ULK4: variants seen among roughly 807,000 people sequenced by gnomAD.
ULK4 encodes the protein inactive serine/threonine-protein kinase ULK4.
ULK4 carries 133 observed loss-of-function variants against 160.6 expected under a neutral mutation model. That is an observed-to-expected ratio of 0.83 (90% CI 0.72 to 0.96). ULK4 has a LOEUF of 0.96. ULK4 is among the 40% of genes least tolerant of loss of function. The probability of loss-of-function intolerance (pLI) is 0.00; values close to 1 mark genes in which losing one functional copy is unlikely to be tolerated. For synonymous variants in ULK4, 534 were observed against 539.8 expected (o/e 0.99, Z 0.15); for missense variants, 1,580 against 1,499.5 (o/e 1.05, Z -0.89).
At chr3:41,755,742 C>A (rs2038776944) in intron 21 of ULK4, among the ~76,000 whole-genome samples, 1 of 152,170 alleles carries the variant, frequency 6.6e-6, no homozygotes, top group Non-Finnish European at 1.5e-5. Flanking sequence ...TAACTGACTG[C>A]AATTCAAGAT....
intron 34 of ULK4, among the ~76,000 whole-genome samples, chr3:41,433,976 C>A (rs1817925): frequency 0.53 from 81,163 of 151,830 alleles, 22,151 homozygotes; most frequent in East Asian, 0.69. Flanking sequence ...CCCGCCTTGG[C>A]CTCCCAAAGT....
intron 2 of ULK4, among the ~76,000 whole-genome samples, chr3:41,952,088 A>G (rs1382511680): frequency 2.0e-5 from 3 of 152,236 alleles, no homozygotes; most frequent in Admixed American, 6.5e-5. Context: ...GTAAAAATAC[A>G]TAACTATCAG....
At chr3:41,822,690 A>G (rs983274052) in intron 18 of ULK4, among the ~76,000 whole-genome samples, 4 of 146,324 alleles carry the variant, frequency 2.7e-5, no homozygotes, top group African/African-American at 1.0e-4. Context: ...AAGTGCTGGG[A>G]TTACAAGCAT....
chr3:41,491,153 T>C (rs1206424548), intron 32 of ULK4, among the ~76,000 whole-genome samples: 2 of 152,170 alleles, frequency 1.3e-5, no homozygotes, highest in African/African-American at 4.8e-5. Flanking sequence ...CAGACGGCCT[T>C]AAACAAATAA....
At chr3:41,418,693 A>AGAG (rs952632007) in intron 34 of ULK4, among the ~76,000 whole-genome samples, 9 of 152,170 alleles carry the variant, frequency 5.9e-5, no homozygotes, top group African/African-American at 1.9e-4. Flanking sequence ...AGGATGAGGT[A>AGAG]GAGTTTTGCA....
At chr3:41,299,258 G>A (rs1429980065) in intron 35 of ULK4, among the ~76,000 whole-genome samples, 2 of 152,198 alleles carry the variant, frequency 1.3e-5, no homozygotes, top group Non-Finnish European at 2.9e-5. Flanking sequence ...AGTCGTCCCA[G>A]TTAAGATCCC....
chr3:41,720,643 GAA>G (rs2037416135), intron 22 of ULK4, among the ~76,000 whole-genome samples: 1 of 152,066 alleles, frequency 6.6e-6, no homozygotes, highest in South Asian at 2.1e-4. Context: ...AATGGTTCAA[GAA>G]AAAGACATTC....
At chr3:41,581,485 T>C (rs1225574756) in intron 31 of ULK4, among the ~76,000 whole-genome samples, 2 of 152,186 alleles carry the variant, frequency 1.3e-5, no homozygotes, top group African/African-American at 4.8e-5. Context: ...GAACAATTTG[T>C]TGGTTTTTCA....
chr3:41,639,653 G>C (rs936575068), intron 30 of ULK4, among the ~76,000 whole-genome samples: 4 of 152,112 alleles, frequency 2.6e-5, no homozygotes, highest in Non-Finnish European at 4.4e-5. Context: ...ACTTAAACCT[G>C]GGAGGCGGAG....
chr3:41,694,475 G>C (rs2036420874), intron 27 of ULK4, among the ~76,000 whole-genome samples: 2 of 152,130 alleles, frequency 1.3e-5, no homozygotes, highest in South Asian at 2.1e-4. Flanking sequence ...ACATGGCCTA[G>C]AGAGAAAAGG....
chr3:41,355,946 A>G (rs2081021249), intron 35 of ULK4, among the ~76,000 whole-genome samples: 1 of 152,244 alleles, frequency 6.6e-6, no homozygotes, highest in African/African-American at 2.4e-5. Context: ...AAAACTTGAG[A>G]ACAAATACTC....
intron 34 of ULK4, among the ~76,000 whole-genome samples, chr3:41,434,801 A>G (rs971094445): frequency 1.3e-5 from 2 of 152,186 alleles, no homozygotes; most frequent in African/African-American, 4.8e-5. Context: ...ACATTATAGT[A>G]TGTTTGCCTA....
chr3:41,857,984 T>C (rs995512244), intron 17 of ULK4, among the ~76,000 whole-genome samples: 6 of 152,062 alleles, frequency 3.9e-5, no homozygotes, highest in African/African-American at 1.4e-4. Flanking sequence ...ATTATTTCTT[T>C]TCTTCTAATT....
At chr3:41,644,129 C>T (rs528795836) in intron 30 of ULK4, among the ~76,000 whole-genome samples, 1 of 152,170 alleles carries the variant, frequency 6.6e-6, no homozygotes, top group African/African-American at 2.4e-5. Flanking sequence ...ACAATCATGT[C>T]GTCTGCAAAC....
intron 35 of ULK4, among the ~76,000 whole-genome samples, chr3:41,300,837 T>TGA (rs1553640531): frequency 1.7e-5 from 1 of 57,868 alleles, no homozygotes; most frequent in Non-Finnish European, 4.0e-5. Flanking sequence ...ATTTTACAGA[T>TGA]TATATATATA....
chr3:41,568,062 C>T (rs1331156719), intron 31 of ULK4, among the ~76,000 whole-genome samples: 1 of 152,158 alleles, frequency 6.6e-6, no homozygotes, highest in African/African-American at 2.4e-5. Context: ...AATCAAGGAT[C>T]CTATTTTACA....
chr3:41,342,358 G>C (rs1401993305), intron 35 of ULK4, among the ~76,000 whole-genome samples: 1 of 152,140 alleles, frequency 6.6e-6, no homozygotes, highest in African/African-American at 2.4e-5. Context: ...TTTCCATTGA[G>C]CCCAAAGTTT....
intron 32 of ULK4, among the ~76,000 whole-genome samples, chr3:41,505,367 G>T (rs9815420): frequency 0.26 from 38,894 of 151,910 alleles, 5,216 homozygotes; most frequent in African/African-American, 0.31. Flanking sequence ...TATATAACCA[G>T]AATCATATAT....
intron 17 of ULK4, among the ~76,000 whole-genome samples, chr3:41,836,657 C>T (rs936315201): frequency 6.6e-5 from 10 of 152,124 alleles, no homozygotes; most frequent in Admixed American, 1.3e-4. Flanking sequence ...TGGTATGCTC[C>T]GGCACAACAC....
Sources: gnomAD v4.1 joint callset for allele counts (sites outside exome capture counted in the v4.1 genomes callset) on GRCh38, gnomAD v4.1.1 for gene constraint, MANE v1.5 for transcripts, NCBI Gene and HGNC (gene_info 2026-07-23, HGNC 2026-07-21) for gene names.